The following CBLB variants were observed in gnomAD, a reference collection of about 807,000 sequenced individuals.
The protein encoded by CBLB is Cbl proto-oncogene B, also known as E3 ubiquitin-protein ligase CBL-B.
Under a neutral mutation model 104.9 loss-of-function variants are expected in CBLB, and 31 were observed. The observed-to-expected ratio is 0.30, with a 90% confidence interval of 0.22 to 0.40. The LOEUF is 0.40. Among genes scored for constraint, CBLB ranks in the 10% least tolerant of loss-of-function variants. The probability of loss-of-function intolerance (pLI) is 1.00; values close to 1 mark genes in which losing one functional copy is unlikely to be tolerated. For synonymous variants in CBLB, 440 were observed against 422.6 expected (o/e 1.04, Z -0.51); for missense variants, 1,062 against 1,214.6 (o/e 0.87, Z 1.87).
intron 4 of CBLB, among the ~76,000 whole-genome samples, chr3:105,754,525 G>GAGAC (rs1553767668): frequency 3.1e-4 from 5 of 15,988 alleles, no homozygotes; most frequent in Admixed American, 1.0e-3. Context: ...GAGAGAGACA[G>GAGAC]AGAGAGAGAG....
chr3:105,832,080 C>A (rs1320331724), intron 3 of CBLB, among the ~76,000 whole-genome samples: 1 of 151,898 alleles, frequency 6.6e-6, no homozygotes, highest in Non-Finnish European at 1.5e-5. Context: ...ATTATTAAAG[C>A]AATGGATGAA....
At chr3:105,794,963 T>A (rs1025516560) in intron 3 of CBLB, among the ~76,000 whole-genome samples, 1 of 151,590 alleles carries the variant, frequency 6.6e-6, no homozygotes, top group Non-Finnish European at 1.5e-5. Flanking sequence ...GTCGCCGGGC[T>A]GGAGTGCAGT....
intron 12 of CBLB, among the ~76,000 whole-genome samples, chr3:105,701,297 G>C (rs2069062982): frequency 6.6e-6 from 1 of 152,174 alleles, no homozygotes; most frequent in Non-Finnish European, 1.5e-5. Context: ...AAAAGAACTT[G>C]ATTTTTAAGA....
intron 3 of CBLB, among the ~76,000 whole-genome samples, chr3:105,817,987 A>G (rs1041298594): frequency 6.6e-6 from 1 of 152,084 alleles, no homozygotes; most frequent in African/African-American, 2.4e-5. Flanking sequence ...AAAATAAACA[A>G]TTTTTTTCCC....
intron 12 of CBLB, among the ~76,000 whole-genome samples, chr3:105,701,807 G>T (rs1367539121): frequency 6.6e-6 from 1 of 151,284 alleles, no homozygotes; most frequent in Non-Finnish European, 1.5e-5. Context: ...CCACTAAGTT[G>T]TTAATAGAAG....
chr3:105,691,354 G>A (rs1234087116), intron 13 of CBLB, among the ~76,000 whole-genome samples: 1 of 152,164 alleles, frequency 6.6e-6, no homozygotes, highest in Non-Finnish European at 1.5e-5. Flanking sequence ...GAAAAATCAA[G>A]AGTAAATAGG....
At position 105,670,228 on chromosome 3, in the gene CBLB, C is replaced by A; in HGVS notation, c.2689+5G>T. ...TATTATTGTTACTGTTACTAGCCAA[C>A]TCACCTGAACATGAAGGAAGCTGAT... On this transcript the variant is annotated splice_donor_5th_base_variant and intron_variant, in intron 18 of 18. Coordinates refer to ENST00000394030, the MANE Select transcript of CBLB (RefSeq NM_170662.5). The A allele has an allele frequency of 5.0e-6, 8 of 1,612,860 alleles. No homozygotes were observed. Among genetic ancestry groups the A allele is most frequent in the Non-Finnish European group, 6.8e-6 (8 of 1,179,064 alleles).
At chr3:105,713,100 T>A (rs964271200) in intron 10 of CBLB, among the ~76,000 whole-genome samples, 1 of 152,152 alleles carries the variant, frequency 6.6e-6, no homozygotes, top group African/African-American at 2.4e-5. Flanking sequence ...TGAGACCCCA[T>A]CTTTGTTAAT....
intron 17 of CBLB, chr3:105,673,357 G>A (rs1292397863): frequency 2.6e-5 from 4 of 152,118 alleles, no homozygotes; most frequent in Non-Finnish European, 2.9e-5. Context: ...GCATGAGCCT[G>A]TACCTGGCCT....
chr3:105,769,529 CATT>C, intron 4 of CBLB, among the ~76,000 whole-genome samples: 1 of 152,178 alleles, frequency 6.6e-6, no homozygotes, highest in South Asian at 2.1e-4. Context: ...TAGGGATATC[CATT>C]AGGGTACTAA....
intron 18 of CBLB, among the ~76,000 whole-genome samples, chr3:105,660,818 A>C (rs921639842): frequency 6.6e-6 from 1 of 150,858 alleles, no homozygotes; most frequent in Non-Finnish European, 1.5e-5. Flanking sequence ...TCCTTTCTAA[A>C]TCAAAAGATG....
intron 2 of CBLB, among the ~76,000 whole-genome samples, chr3:105,861,145 C>A (rs1011777248): frequency 7.0e-6 from 1 of 143,346 alleles, no homozygotes; most frequent in Non-Finnish European, 1.5e-5. Context: ...ACAAAAAAAA[C>A]CTTTAGTAAA....
chr3:105,778,842 T>C (rs1241677984), intron 3 of CBLB, among the ~76,000 whole-genome samples: 1 of 152,200 alleles, frequency 6.6e-6, no homozygotes, highest in Non-Finnish European at 1.5e-5. Context: ...TAGATGATGG[T>C]AGATATAAGA....
chr3:105,759,174 C>G (rs1245623831), intron 4 of CBLB, among the ~76,000 whole-genome samples: 2 of 152,150 alleles, frequency 1.3e-5, no homozygotes, highest in Non-Finnish European at 2.9e-5. Context: ...CCCAAGGAGT[C>G]AAAGAGACTC....
At chr3:105,742,078 T>C (rs1403115541) in intron 6 of CBLB, among the ~76,000 whole-genome samples, 1 of 152,234 alleles carries the variant, frequency 6.6e-6, no homozygotes, top group Non-Finnish European at 1.5e-5. Flanking sequence ...TGTACTTATT[T>C]CATTTTAGAT....
At chr3:105,819,828 T>C (rs1020327462) in intron 3 of CBLB, among the ~76,000 whole-genome samples, 7 of 152,142 alleles carry the variant, frequency 4.6e-5, no homozygotes, top group Non-Finnish European at 1.0e-4. Context: ...TATACCTGTA[T>C]GTGAAATCCC....
rs2092489486 is a variant in CBLB, at chr3:105,867,448, T to C, written c.130A>G (p.Arg44Gly). 1 of 1,614,072 alleles carries C rather than the reference T, an allele frequency of 6.2e-7. No individual in the cohort carries two copies. The highest frequency in any genetic ancestry group is 8.5e-7 in the Non-Finnish European group (1 of 1,180,028). ...GPPKQAAADR[R>G]TVEKTWKLMD... ...AGCTTCCAAGTCTTCTCCACGGTCC[T>C]GCGATCTGCGGCAGCTTGCTTAGGG... The change falls in exon 2 of 19, where the codon AGG becomes GGG. Residue 44 changes from arginine (R) to glycine (G), a missense_variant. This residue lies in a region of CBLB where 457 missense variants were observed against 632.0 expected (regional missense o/e 0.72). Transcript: ENST00000394030.
intron 3 of CBLB, among the ~76,000 whole-genome samples, chr3:105,809,220 T>A (rs149356547): frequency 6.6e-6 from 1 of 152,212 alleles, no homozygotes; most frequent in Non-Finnish European, 1.5e-5. Context: ...ACATCAGAAG[T>A]AGTTTAAAAA....
intron 3 of CBLB, among the ~76,000 whole-genome samples, chr3:105,792,639 G>T (rs563377773): frequency 6.6e-6 from 1 of 152,090 alleles, no homozygotes; most frequent in Non-Finnish European, 1.5e-5. Context: ...AAATTCTTCC[G>T]ATGGGTCAAC....
Sources: allele counts gnomAD v4.1 joint callset (sites outside exome capture counted in the v4.1 genomes callset), GRCh38; gene constraint gnomAD v4.1.1; regional missense constraint gnomAD v4.1.1; transcripts MANE v1.5; gene names NCBI Gene and HGNC (gene_info 2026-07-23, HGNC 2026-07-21).